TBC1D22A: variants seen among roughly 807,000 people sequenced by gnomAD.
TBC1D22A encodes the protein putative GTPase activator.
In TBC1D22A, 38 loss-of-function variants were observed where a neutral mutation model predicts 60.2. That is an observed-to-expected ratio of 0.63 (90% CI 0.49 to 0.83). The LOEUF (loss-of-function observed/expected upper bound fraction) is 0.83. Ranked by LOEUF, TBC1D22A falls within the 40% of genes least tolerant of loss-of-function variation. The pLI, the probability that TBC1D22A is intolerant of heterozygous loss-of-function variation, is 0.00. For missense variants in TBC1D22A, 628 were observed against 701.0 expected (o/e 0.90, Z 1.18); for synonymous variants, 302 against 281.7 (o/e 1.07, Z -0.72).
At chr22:47,115,370 A>ACATGTTGATGTCCAGTGGGGCCTCTC (rs2066002233) in intron 12 of TBC1D22A, among the ~76,000 whole-genome samples, 1 of 24,836 alleles carries the variant, frequency 4.0e-5, no homozygotes, top group Non-Finnish European at 7.9e-5. Flanking sequence ...CCCCGGCTCC[A>ACATGTTGATGTCCAGTGGGGCCTCTC]CATGTTGATG....
chr22:47,091,650 C>T (rs755227928), intron 11 of TBC1D22A, among the ~76,000 whole-genome samples: 5 of 152,126 alleles, frequency 3.3e-5, no homozygotes, highest in Non-Finnish European at 7.4e-5. Flanking sequence ...GTCCTGTGCA[C>T]CTGGCAGGCT....
intron 8 of TBC1D22A, among the ~76,000 whole-genome samples, chr22:46,946,374 CA>C (rs776943075): frequency 2.6e-4 from 40 of 152,324 alleles, no homozygotes; most frequent in Non-Finnish European, 5.0e-4. Flanking sequence ...CCCTGACGAG[CA>C]GAGGCCTTGG....
intron 4 of TBC1D22A, among the ~76,000 whole-genome samples, chr22:46,811,908 C>T (rs117990156): frequency 0.01 from 1,526 of 152,206 alleles, 10 homozygotes; most frequent in Middle Eastern, 0.041. Context: ...GCTGAGATCC[C>T]GTGCTCAGAT....
intron 8 of TBC1D22A, among the ~76,000 whole-genome samples, chr22:46,949,626 A>G (rs2072774768): frequency 6.6e-6 from 1 of 152,182 alleles, no homozygotes; most frequent in South Asian, 2.1e-4. Context: ...AATTTATATC[A>G]TTTCATCCAT....
At chr22:47,055,550 C>T (rs943273969) in intron 11 of TBC1D22A, among the ~76,000 whole-genome samples, 6 of 152,106 alleles carry the variant, frequency 3.9e-5, no homozygotes, top group African/African-American at 1.2e-4. Flanking sequence ...ATTTGGAGCC[C>T]GACCCTATGC....
intron 5 of TBC1D22A, among the ~76,000 whole-genome samples, chr22:46,884,834 G>T (rs553743967): frequency 6.6e-6 from 1 of 152,318 alleles, no homozygotes; most frequent in East Asian, 1.9e-4. Flanking sequence ...CAGGAGAGGT[G>T]TGGCATTTAA....
chr22:47,060,363 T>A (rs1300607709), intron 11 of TBC1D22A, among the ~76,000 whole-genome samples: 1 of 150,368 alleles, frequency 6.7e-6, no homozygotes, highest in African/African-American at 2.4e-5. Flanking sequence ...TGCCTCAGCC[T>A]CCCAAGTAGT....
chr22:47,130,627 T>C (rs1306603820), intron 12 of TBC1D22A, among the ~76,000 whole-genome samples: 1 of 152,184 alleles, frequency 6.6e-6, no homozygotes, highest in East Asian at 1.9e-4. Context: ...ACCTTTTCGT[T>C]CCTTCCCCAA....
chr22:46,975,037 TG>T (rs1220591602), intron 9 of TBC1D22A, among the ~76,000 whole-genome samples: 1 of 152,140 alleles, frequency 6.6e-6, no homozygotes, highest in Non-Finnish European at 1.5e-5. Flanking sequence ...ACACAGTACC[TG>T]GGAAGGACCT....
At chr22:47,120,844 A>G (rs2066246765) in intron 12 of TBC1D22A, among the ~76,000 whole-genome samples, 1 of 152,204 alleles carries the variant, frequency 6.6e-6, no homozygotes, top group South Asian at 2.1e-4. Flanking sequence ...TATGCTAACA[A>G]GTTAACTTAA....
intron 11 of TBC1D22A, among the ~76,000 whole-genome samples, chr22:47,087,681 G>A (rs901791295): frequency 1.3e-5 from 2 of 152,198 alleles, no homozygotes; most frequent in Non-Finnish European, 2.9e-5. Context: ...AAGTAATTAT[G>A]ATAATGTTAG....
chr22:47,054,176 G>C (rs1359447370), intron 11 of TBC1D22A, among the ~76,000 whole-genome samples: 1 of 152,220 alleles, frequency 6.6e-6, no homozygotes, highest in African/African-American at 2.4e-5. Flanking sequence ...GAGGAAGGAC[G>C]TGCAGGGACC....
At chr22:47,125,447 G>A (rs1421439787) in intron 12 of TBC1D22A, among the ~76,000 whole-genome samples, 2 of 152,200 alleles carry the variant, frequency 1.3e-5, no homozygotes, top group South Asian at 2.1e-4. Flanking sequence ...TTTATACTTC[G>A]AAAAGCTCCC....
intron 11 of TBC1D22A, among the ~76,000 whole-genome samples, chr22:47,051,849 T>C (rs1428355189): frequency 6.6e-6 from 1 of 152,212 alleles, no homozygotes; most frequent in Non-Finnish European, 1.5e-5. Context: ...AGGGATTCAG[T>C]TTGTTTCAGC....
chr22:46,991,245 C>A (rs1326192913), intron 9 of TBC1D22A, among the ~76,000 whole-genome samples: 3 of 152,142 alleles, frequency 2.0e-5, no homozygotes, highest in Non-Finnish European at 4.4e-5. Context: ...GAATCTGACA[C>A]GTTTGTGCTC....
intron 4 of TBC1D22A, among the ~76,000 whole-genome samples, chr22:46,803,133 A>C (rs985634956): frequency 2.0e-5 from 2 of 99,400 alleles, no homozygotes; most frequent in Non-Finnish European, 4.8e-5. Flanking sequence ...ACTGTGCTGT[A>C]GAGACTGTGT....
rs188291098 is a variant in TBC1D22A at position 47,174,807 on chromosome 22, C to G, written c.*1181C>G. On this transcript the variant is annotated 3_prime_UTR_variant, in exon 13 of 13. Transcript: ENST00000337137. ...CCCGCTGTGGACTGGTTCCTTGGGG[C>G]TCTAAGTGCGGAAGGGCCCAGAGCT... 2 of 146,948 alleles carry G rather than the reference C, an allele frequency of 1.4e-5. No individual in the cohort carries two copies. Among genetic ancestry groups the G allele is most frequent in the East Asian group, 3.9e-4 (2 of 5,166 alleles). The allele number at this position is 146,948 out of a possible 1,614,324, so 9.1% of individuals were successfully genotyped here.
intron 11 of TBC1D22A, among the ~76,000 whole-genome samples, chr22:47,089,862 A>G (rs992323224): frequency 1.6e-4 from 25 of 152,182 alleles, no homozygotes; most frequent in Admixed American, 1.3e-3. Flanking sequence ...TCACAGCCCA[A>G]CTTACAAGGG....
At chr22:46,883,240 C>T (rs557179749) in intron 5 of TBC1D22A, among the ~76,000 whole-genome samples, 6 of 152,290 alleles carry the variant, frequency 3.9e-5, no homozygotes, top group African/African-American at 1.2e-4. Context: ...TGCATAGGAA[C>T]ACAGTGGGAG....
Sources: gnomAD v4.1 joint callset for allele counts (sites outside exome capture counted in the v4.1 genomes callset) on GRCh38, gnomAD v4.1.1 for gene constraint, MANE v1.5 for transcripts, NCBI Gene and HGNC (gene_info 2026-07-23, HGNC 2026-07-21) for gene names.